The following OR56B1 variants were observed in gnomAD, a reference collection of about 807,000 sequenced individuals.
OR56B1 encodes olfactory receptor 56B1.
A neutral mutation model predicts 11.4 loss-of-function variants in OR56B1; 13 were observed. That is an observed-to-expected ratio of 1.14 (90% CI 0.74 to 1.81). The LOEUF (loss-of-function observed/expected upper bound fraction) is 1.81. OR56B1 is among the 40% of genes most tolerant of loss of function. The pLI is 0.00. For synonymous variants in OR56B1, 158 were observed against 143.6 expected (o/e 1.10, Z -0.72); for missense variants, 434 against 379.3 (o/e 1.14, Z -1.20).
In OR56B1 at chr11:5,736,921, T is replaced by C; in HGVS notation, c.405T>C (p.Ile135=). The C allele has an allele frequency of 6.2e-7, 1 of 1,614,066 alleles. No individual in the cohort carries two copies. Among genetic ancestry groups the C allele is most frequent in the Non-Finnish European group, 8.5e-7 (1 of 1,179,976 alleles). The stretch of plus-strand genomic sequence containing the variant: ...TGGCTTTTGATAGATATGTGGCTAT[T>C]TGTCACCCTCTTCGCTATCCATCAA... ...LCMAFDRYVA[I]CHPLRYPSIV... is the part of the protein sequence containing the mutation. The change falls in exon 1 of 1, where the codon ATT becomes ATC. Residue 135 remains isoleucine (I), a synonymous_variant. Coordinates refer to ENST00000317121, the MANE Select transcript of OR56B1 (RefSeq NM_001005180.3).
In OR56B1 at chr11:5,737,463, T is replaced by C; in HGVS notation, c.947T>C (p.Phe316Ser). ...ELRAAFQKVL[F>S]ALTKEIRS The stretch of plus-strand genomic sequence containing the variant: ...AGGGCAGCCTTCCAAAAGGTGCTGT[T>C]TGCCCTTACAAAAGAAATAAGATCT... The change falls in exon 1 of 1, where the codon TTT becomes TCT. Residue 316 changes from phenylalanine (F) to serine (S), a missense_variant. Transcript: ENST00000317121. 1 of 1,612,282 alleles carries C rather than the reference T, an allele frequency of 6.2e-7. No homozygotes were observed. Among genetic ancestry groups the C allele is most frequent in the South Asian group, 1.1e-5 (1 of 91,024 alleles).
rs758256955 is a variant in OR56B1, at chr11:5,737,510, A to C, written c.*19A>C. The C allele has an allele frequency of 4.6e-5, 73 of 1,587,154 alleles. No individual in the cohort carries two copies. The highest frequency in any genetic ancestry group is 6.2e-5 in the Non-Finnish European group (72 of 1,166,504). On this transcript the variant is annotated 3_prime_UTR_variant, in exon 1 of 1. Transcript: ENST00000317121. ...ATCTTAGAGACCTTCTCCATGATGTACATGAACCTCAGCTTCTCCTAAACT... is the reference window on the plus strand; with the variant it reads ...ATCTTAGAGACCTTCTCCATGATGTCCATGAACCTCAGCTTCTCCTAAACT...
Position 5,736,694 on chromosome 11 carries a change from C to A in OR56B1, c.178C>A (p.Gln60Lys), listed in dbSNP as rs1396729739. Reference sequence around the variant, plus strand: ...CACCCTCATCCTCATCATCATCTGGCAGAACCCTTCTTTACAGCAGCCCAT... The same window carrying A: ...CACCCTCATCCTCATCATCATCTGGAAGAACCCTTCTTTACAGCAGCCCAT... ...ANTLILIIIWQNPSLQQPMYI... is the reference protein window; with the variant it reads ...ANTLILIIIWKNPSLQQPMYI... The change falls in exon 1 of 1, where the codon CAG becomes AAG. Residue 60 changes from glutamine (Q) to lysine (K), a missense_variant. By Grantham distance (53) the Gln-to-Lys change is moderately conservative (BLOSUM62 1). Transcript: ENST00000317121. 1 of 1,613,878 alleles carries A rather than the reference C, an allele frequency of 6.2e-7. No homozygotes were observed. The highest frequency in any genetic ancestry group is 8.5e-7 in the Non-Finnish European group (1 of 1,179,978).
chr11:5,736,452 G>A lies in OR56B1; in HGVS notation c.-65G>A. ...AGAAAAATACTACAATTTTATTTCT[G>A]TGGTGGTTCCAACCTGTGATAACTG... On this transcript the variant is annotated 5_prime_UTR_variant, in exon 1 of 1. It adds an upstream start codon to the 5' untranslated region. Transcript: ENST00000317121. The A allele has an allele frequency of 7.3e-7, 1 of 1,373,192 alleles. No individual in the cohort carries two copies. Among genetic ancestry groups the A allele is most frequent in the Non-Finnish European group, 1.0e-6 (1 of 974,522 alleles). The allele number at this position is 1,373,192 out of a possible 1,614,324, so 85.1% of individuals were successfully genotyped here. A position where few individuals can be genotyped will look rare whatever the true frequency, so the allele number is the denominator to read the frequency against.
chr11:5,736,962 T>G lies in OR56B1; in HGVS notation c.446T>G (p.Leu149Ter). 1 of 1,614,132 alleles carries G rather than the reference T, an allele frequency of 6.2e-7. No individual in the cohort carries two copies. The highest frequency in any genetic ancestry group is 1.1e-5 in the South Asian group (1 of 91,088). ...TATCCATCAATTGTCACCAGTTCCTTAATCTTAAAAGCTACCCTGTTCATG... is the reference window on the plus strand; with the variant it reads ...TATCCATCAATTGTCACCAGTTCCTGAATCTTAAAAGCTACCCTGTTCATG... ...LRYPSIVTSSLILKATLFMVL... is the reference protein window; with the variant it reads ...LRYPSIVTSS The change falls in exon 1 of 1, where the codon TTA becomes TGA. Residue 149 changes from leucine to a stop codon, truncating the protein, a stop_gained. Coordinates refer to ENST00000317121, the MANE Select transcript of OR56B1 (RefSeq NM_001005180.3). LOFTEE classifies it high-confidence loss of function.
Position 5,736,779 on chromosome 11 carries a change from C to T in OR56B1, c.263C>T (p.Pro88Leu), listed in dbSNP as rs1456546843. 6.2e-7 allele frequency: 1 copy of T among 1,614,064 alleles called. No homozygotes were observed. The highest frequency in any genetic ancestry group is 8.5e-7 in the Non-Finnish European group (1 of 1,180,004). The stretch of plus-strand genomic sequence containing the variant: ...ATGGGTCTGGCCACTACTATCATCC[C>T]TAAGATCCTGGCCATCTTCTGGTTT... Reference protein sequence around the residue: ...VDMGLATTIIPKILAIFWFDA... With the variant: ...VDMGLATTIILKILAIFWFDA... The change falls in exon 1 of 1, where the codon CCT (proline) becomes CTT (leucine). Residue 88 changes from proline to leucine, a missense_variant. Transcript: ENST00000317121.
At position 5,737,652 on chromosome 11, in the gene OR56B1, G is replaced by A. The variant is rs2134202655; in HGVS notation, c.*161G>A. 3 of 601,708 alleles carry A rather than the reference G, an allele frequency of 5.0e-6. No homozygotes were observed. The highest frequency in any genetic ancestry group is 5.3e-6 in the Non-Finnish European group (2 of 378,330). 37.3% of individuals were successfully genotyped at this position (601,708 alleles called of 1,614,324 possible). A position where few individuals can be genotyped will look rare whatever the true frequency, so the allele number is the denominator to read the frequency against. On this transcript the variant is annotated 3_prime_UTR_variant, in exon 1 of 1. Coordinates refer to ENST00000317121, the MANE Select transcript of OR56B1 (RefSeq NM_001005180.3). ...AGAAAAGATACAAAAAATCACAGTAGCCTAAAATATTGACAAAAGCTAAAT... is the reference window on the plus strand; with the variant it reads ...AGAAAAGATACAAAAAATCACAGTAACCTAAAATATTGACAAAAGCTAAAT...
rs12803433 is a variant in OR56B1 at position 5,738,087 on chromosome 11, G to A, written c.*596G>A. 14,721 of 152,856 alleles carry A rather than the reference G, an allele frequency of 0.096. 748 individuals carry two copies. The highest frequency in any genetic ancestry group is 0.16 in the Middle Eastern group (47 of 294). 9.5% of individuals were successfully genotyped at this position (152,856 alleles called of 1,614,324 possible). ...CTAGCTAGAAGGATCTGGTGCTTAC[G>A]CCGTTTGCCTCCCCAGATTTGCTGT... On this transcript the variant is annotated 3_prime_UTR_variant, in exon 1 of 1. Transcript: ENST00000317121.
rs1047196662 is a variant in OR56B1 at position 5,736,656 on chromosome 11, C to A, written c.140C>A (p.Ala47Glu). The stretch of plus-strand genomic sequence containing the variant: ...CCCCTGGCACTACTGTATCTCTCAG[C>A]ACTTGCTGCAAACACCCTCATCCTC... ...SLPLALLYLS[A>E]LAANTLILII... The change falls in exon 1 of 1, where the codon GCA becomes GAA. Residue 47 changes from alanine to glutamate, a missense_variant. Physicochemically the swap from Ala to Glu is moderately radical, Grantham distance 107. Transcript: ENST00000317121. 6.2e-7 allele frequency: 1 copy of A among 1,613,882 alleles called. No homozygotes were observed. The highest frequency in any genetic ancestry group is 1.3e-5 in the African/African-American group (1 of 74,912).
rs773587994 is a variant in OR56B1, at chr11:5,736,483, A to C, written c.-34A>C. ...GTTCCAACCTGTGATAACTGAGAAC[A>C]ATACAAATAGAGATTTGAAATTCAT... On this transcript the variant is annotated 5_prime_UTR_variant, in exon 1 of 1. Coordinates refer to ENST00000317121, the MANE Select transcript of OR56B1 (RefSeq NM_001005180.3). The C allele has an allele frequency of 7.5e-6, 12 of 1,601,394 alleles. No homozygotes were observed. Among genetic ancestry groups the C allele is most frequent in the Admixed American group, 3.3e-5 (2 of 59,842 alleles).
chr11:5,736,528 G>A lies in OR56B1; in HGVS notation c.12G>A (p.Met4Ile), dbSNP rs1320160586. The A allele has an allele frequency of 6.2e-7, 1 of 1,613,576 alleles. No homozygotes were observed. The highest frequency in any genetic ancestry group is 8.5e-7 in the Non-Finnish European group (1 of 1,179,570). MNH[M>I]SASLKISNSS... Reference sequence around the variant, plus strand: ...ATTCATGTTGAATCATGAATCATATGTCTGCATCTCTCAAAATCTCCAATA... The same window carrying A: ...ATTCATGTTGAATCATGAATCATATATCTGCATCTCTCAAAATCTCCAATA... The change falls in exon 1 of 1, where the codon ATG (methionine) becomes ATA (isoleucine). Residue 4 changes from methionine (M) to isoleucine (I), a missense_variant. Transcript: ENST00000317121.
chr11:5,737,091 G>A lies in OR56B1; in HGVS notation c.575G>A (p.Gly192Glu). The A allele has an allele frequency of 6.2e-7, 1 of 1,614,032 alleles. No homozygotes were observed. ...GAACACTGCCTGTGCTCTAACCTTG[G>A]GGTCACAAGCCTGGCTTGTGATGAC... ...EIEHCLCSNL[G>E]VTSLACDDRR... Residue 192 changes from glycine to glutamate, a missense_variant, in exon 1 of 1, where the codon GGG becomes GAG. By Grantham distance (98) the Gly-to-Glu change is moderately conservative (BLOSUM62 -2). Transcript: ENST00000317121.
chr11:5,736,786 C>G lies in OR56B1; in HGVS notation c.270C>G (p.Ile90Met). 1 of 1,614,064 alleles carries G rather than the reference C, an allele frequency of 6.2e-7. No homozygotes were observed. The highest frequency in any genetic ancestry group is 2.2e-5 in the East Asian group (1 of 44,868). The change falls in exon 1 of 1, where the codon ATC becomes ATG. Residue 90 changes from isoleucine to methionine, a missense_variant. Ile to Met is a conservative substitution (Grantham distance 10). Coordinates refer to ENST00000317121, the MANE Select transcript of OR56B1 (RefSeq NM_001005180.3). Reference sequence around the variant, plus strand: ...TGGCCACTACTATCATCCCTAAGATCCTGGCCATCTTCTGGTTTGATGCCA... The same window carrying G: ...TGGCCACTACTATCATCCCTAAGATGCTGGCCATCTTCTGGTTTGATGCCA... Reference protein sequence around the residue: ...MGLATTIIPKILAIFWFDAKV... With the variant: ...MGLATTIIPKMLAIFWFDAKV...
rs377695102 is a variant in OR56B1 at position 5,737,424 on chromosome 11, A to G, written c.908A>G (p.Gln303Arg). The G allele has an allele frequency of 3.4e-4, 542 of 1,613,958 alleles. No homozygotes were observed. Among genetic ancestry groups the G allele is most frequent in the Non-Finnish European group, 4.4e-4 (525 of 1,179,950 alleles). The change falls in exon 1 of 1, where the codon CAG becomes CGG. Residue 303 changes from glutamine (Q) to arginine (R), a missense_variant. Physicochemically the swap from Gln to Arg is conservative, Grantham distance 43. Coordinates refer to ENST00000317121, the MANE Select transcript of OR56B1 (RefSeq NM_001005180.3). ...CTCAACCCTACAGTTTATGCACTTC[A>G]GACCAAAGAACTTAGGGCAGCCTTC... is the stretch of plus-strand genomic sequence containing the variant. ...PSLNPTVYALQTKELRAAFQK... is the reference protein window; with the variant it reads ...PSLNPTVYALRTKELRAAFQK...
Position 5,736,830 on chromosome 11 carries a change from A to C in OR56B1, c.314A>C (p.Glu105Ala), listed in dbSNP as rs768915266. Residue 105 changes from glutamate to alanine, a missense_variant, in exon 1 of 1, where the codon GAG becomes GCG. Coordinates refer to ENST00000317121, the MANE Select transcript of OR56B1 (RefSeq NM_001005180.3). ...WFDAKVISLPECFAQIYAIHF... is the reference protein window; with the variant it reads ...WFDAKVISLPACFAQIYAIHF... ...GATGCCAAGGTTATTAGCCTCCCTGAGTGCTTTGCTCAGATTTATGCCATT... is the reference window on the plus strand; with the variant it reads ...GATGCCAAGGTTATTAGCCTCCCTGCGTGCTTTGCTCAGATTTATGCCATT... The C allele has an allele frequency of 1.9e-6, 3 of 1,613,906 alleles. No homozygotes were observed.
Position 5,738,517 on chromosome 11 carries a change from A to T in OR56B1, c.*1026A>T, listed in dbSNP as rs1420038313. On this transcript the variant is annotated 3_prime_UTR_variant, in exon 1 of 1. Transcript: ENST00000317121. ...ATACCAACTTCATTAAATTGTCTTC[A>T]AACTCACATTTCTTTGTGCCTTTTT... The T allele has an allele frequency of 6.6e-6, 1 of 151,972 alleles. No homozygotes were observed. Among genetic ancestry groups the T allele is most frequent in the African/African-American group, 2.4e-5 (1 of 41,380 alleles). The allele number at this position is 151,972 out of a possible 1,614,324, so 9.4% of individuals were successfully genotyped here. A position where few individuals can be genotyped will look rare whatever the true frequency, so the allele number is the denominator to read the frequency against.
chr11:5,736,469 T>C lies in OR56B1; in HGVS notation c.-48T>C, dbSNP rs752009049. 3 of 1,563,956 alleles carry C rather than the reference T, an allele frequency of 1.9e-6. No homozygotes were observed. The highest frequency in any genetic ancestry group is 1.7e-4 in the Middle Eastern group (1 of 5,930). On this transcript the variant is annotated 5_prime_UTR_variant, in exon 1 of 1. Coordinates refer to ENST00000317121, the MANE Select transcript of OR56B1 (RefSeq NM_001005180.3). ...TTATTTCTGTGGTGGTTCCAACCTG[T>C]GATAACTGAGAACAATACAAATAGA...
In OR56B1 at chr11:5,737,278, C is replaced by T. The variant is rs146750076; in HGVS notation, c.762C>T (p.Leu254=). ...CCCTGAGCACTTGTAGTTCACATCTCACCCTCATCCTTTTCTTTTACACTA... is the reference window on the plus strand; with the variant it reads ...CCCTGAGCACTTGTAGTTCACATCTTACCCTCATCCTTTTCTTTTACACTA... The part of the protein sequence containing the change: ...AKALSTCSSH[L]TLILFFYTIV... The change falls in exon 1 of 1, where the codon CTC becomes CTT. Residue 254 remains leucine (L), a synonymous_variant. Coordinates refer to ENST00000317121, the MANE Select transcript of OR56B1 (RefSeq NM_001005180.3). The T allele has an allele frequency of 1.9e-6, 3 of 1,614,026 alleles. No homozygotes were observed. The African/African-American group carries it at 4.0e-5, about 22-fold the overall frequency.
In OR56B1 at chr11:5,737,473, A is replaced by C; in HGVS notation, c.957A>C (p.Thr319=). 3 of 1,611,280 alleles carry C rather than the reference A, an allele frequency of 1.9e-6. No individual in the cohort carries two copies. Among genetic ancestry groups the C allele is most frequent in the Non-Finnish European group, 2.5e-6 (3 of 1,178,378 alleles). The change falls in exon 1 of 1, where the codon ACA becomes ACC. Residue 319 remains threonine, a synonymous_variant. Coordinates refer to ENST00000317121, the MANE Select transcript of OR56B1 (RefSeq NM_001005180.3). ...AAFQKVLFAL[T]KEIRS ...TCCAAAAGGTGCTGTTTGCCCTTAC[A>C]AAAGAAATAAGATCTTAGAGACCTT...
Sources: gnomAD v4.1 joint callset for allele counts on GRCh38, gnomAD v4.1.1 for gene constraint, MANE v1.5 for transcripts, NCBI Gene and HGNC (gene_info 2026-07-23, HGNC 2026-07-21) for gene names.